The following SUSD1 variants were observed in gnomAD, a reference collection of about 807,000 sequenced individuals.
SUSD1 encodes sushi domain containing 1.
SUSD1 carries 65 observed loss-of-function variants against 86.9 expected under a neutral mutation model. The ratio of observed to expected loss-of-function variants is 0.75; its 90% CI spans 0.61 to 0.92. SUSD1 has a LOEUF of 0.92. Among genes scored for constraint, SUSD1 ranks in the 40% least tolerant of loss-of-function variants. SUSD1 has a pLI of 0.00. For synonymous variants in SUSD1, 346 were observed against 350.0 expected (o/e 0.99, Z 0.13); for missense variants, 850 against 929.7 (o/e 0.91, Z 1.11).
At chr9:112,173,931 C>T (rs1370038809) in intron 1 of SUSD1, 1 of 257,270 alleles carries the variant, frequency 3.9e-6, no homozygotes. Context: ...GTGCCATTTT[C>T]GGGACTGGTT....
In SUSD1 at chr9:112,041,912, A is replaced by T. The variant is rs956614940; in HGVS notation, c.2198T>A (p.Leu733Gln). The T allele has an allele frequency of 1.2e-6, 2 of 1,613,990 alleles. No homozygotes were observed. The highest frequency in any genetic ancestry group is 1.7e-6 in the Non-Finnish European group (2 of 1,179,970). The change falls in exon 16 of 17, where the codon CTG (leucine) becomes CAG (glutamine). Residue 733 changes from leucine to glutamine, a missense_variant. By Grantham distance (113) the Leu-to-Gln change is moderately radical. Transcript: ENST00000374270. ...LQMAGVGLGS[L>Q]AVVIILTFLS... ...GAATGTGAGAATGATCACAACAGCC[A>T]GGGAACCCAGTCCAACACCCGCCAT...
chr9:112,054,333 C>T (rs960302533), intron 14 of SUSD1, among the ~76,000 whole-genome samples: 1 of 152,088 alleles, frequency 6.6e-6, no homozygotes, highest in Non-Finnish European at 1.5e-5. Context: ...ACCTGTAATC[C>T]CAGTACTTTG....
chr9:112,146,031 TGGATGCA>T, intron 3 of SUSD1: 1 of 152,178 alleles, frequency 6.6e-6, no homozygotes, highest in Non-Finnish European at 1.5e-5. Context: ...AATAAACACC[TGGATGCA>T]GGATTCCTTG....
rs150828080 is a variant in SUSD1, at chr9:112,163,030, G to A, written c.104-5417C>T. Among the ~76,000 whole-genome samples, 595 of 152,208 alleles carry A rather than the reference G, an allele frequency of 3.9e-3. 5 individuals are homozygous for A. The highest frequency in any genetic ancestry group is 0.013 in the African/African-American group (553 of 41,524). ...GAATAAACTCTATATGTAATCATACGTTCTGAATCTCATTATTTAAGGTTG... is the reference window on the plus strand; with the variant it reads ...GAATAAACTCTATATGTAATCATACATTCTGAATCTCATTATTTAAGGTTG... On this transcript the variant is annotated intron_variant, in intron 1 of 16. Coordinates refer to ENST00000374270, the MANE Select transcript of SUSD1 (RefSeq NM_022486.5).
In SUSD1 at chr9:112,113,795, G is replaced by A. The variant is rs1344157069; in HGVS notation, c.887-927C>T. ...AAAAATACAAAACTTAGCGGTGCAC[G>A]GTGGCACATGCCTGTAATCTCAACT... On this transcript the variant is annotated intron_variant, in intron 6 of 16. Transcript: ENST00000374270. This position sits in a 1 kb window ranked among gnomAD's most constrained non-coding sequence, Gnocchi z 4.1. Among the ~76,000 whole-genome samples the A allele has an allele frequency of 6.6e-6, 1 of 152,064 alleles. No homozygotes were observed. The highest frequency in any genetic ancestry group is 2.4e-5 in the African/African-American group (1 of 41,402).
At chr9:112,044,923 T>A (rs1827890949) in intron 15 of SUSD1, among the ~76,000 whole-genome samples, 1 of 152,174 alleles carries the variant, frequency 6.6e-6, no homozygotes, top group South Asian at 2.1e-4. Context: ...ACAGAGAGTG[T>A]TACAGATTAA....
At chr9:112,043,743 G>C (rs1827840959) in intron 15 of SUSD1, among the ~76,000 whole-genome samples, 1 of 152,052 alleles carries the variant, frequency 6.6e-6, no homozygotes, top group Non-Finnish European at 1.5e-5. Flanking sequence ...GTCTATAGAA[G>C]AAAAATGGCC....
intron 15 of SUSD1, among the ~76,000 whole-genome samples, chr9:112,051,408 C>CTTTTTTTTTTTTTTTTTTT (rs746946192): frequency 1.6e-4 from 12 of 77,046 alleles, no homozygotes; most frequent in African/African-American, 2.4e-4. Context: ...TTTTTCTTTT[C>CTTTTTTTTTTTTTTTTTTT]TTTTTTTTTT....
Position 112,041,765 on chromosome 9 carries a change from C to T in SUSD1, c.2243+102G>A, listed in dbSNP as rs1228769990. On this transcript the variant is annotated intron_variant, in intron 16 of 16. Transcript: ENST00000374270. ...CTGCTGAGCCAAGGACAACCTCCAC[C>T]CACACTCCCTTTGACTCCCCTCATC... is the stretch of plus-strand genomic sequence containing the variant. The T allele has an allele frequency of 2.5e-5, 29 of 1,166,730 alleles. No homozygotes were observed. The Admixed American group carries it at 5.8e-4, about 23-fold the overall frequency. 72.3% of individuals were successfully genotyped at this position (1,166,730 alleles called of 1,614,324 possible). A position where few individuals can be genotyped will look rare whatever the true frequency, so the allele number is the denominator to read the frequency against.
Position 112,062,933 on chromosome 9 carries a change from T to A in SUSD1, c.1850+4A>T. ...GCAACCGTGGAGAAAGGACAGCTACTGACCTGATTGGTCCATTTTTCTCCT... is the reference window on the plus strand; with the variant it reads ...GCAACCGTGGAGAAAGGACAGCTACAGACCTGATTGGTCCATTTTTCTCCT... On this transcript the variant is annotated splice_donor_region_variant and intron_variant, in intron 13 of 16. Transcript: ENST00000374270. The A allele has an allele frequency of 6.3e-7, 1 of 1,594,894 alleles. No homozygotes were observed. Among genetic ancestry groups the A allele is most frequent in the Non-Finnish European group, 8.6e-7 (1 of 1,164,102 alleles).
At chr9:112,133,267 A>G (rs1303753086) in intron 5 of SUSD1, among the ~76,000 whole-genome samples, 1 of 152,196 alleles carries the variant, frequency 6.6e-6, no homozygotes, top group Non-Finnish European at 1.5e-5. Context: ...CTCATGTCTG[A>G]AAAAAAGAAA....
At chr9:112,081,929 A>C (rs1829783779) in intron 10 of SUSD1, among the ~76,000 whole-genome samples, 1 of 152,232 alleles carries the variant, frequency 6.6e-6, no homozygotes, top group African/African-American at 2.4e-5. Flanking sequence ...TTAACTTGAA[A>C]TCTTAGTGAG....
intron 1 of SUSD1, among the ~76,000 whole-genome samples, chr9:112,169,703 T>G (rs2131861785): frequency 6.6e-6 from 1 of 151,658 alleles, no homozygotes; most frequent in African/African-American, 2.4e-5. Flanking sequence ...AGATGGAGTT[T>G]CACTCTTGTT....
intron 13 of SUSD1, 49 bp from the exon 14 acceptor site, chr9:112,058,735 C>A (rs1262578354): frequency 6.4e-7 from 1 of 1,573,130 alleles, no homozygotes; most frequent in South Asian, 1.2e-5. Context: ...ATGGGGAGTT[C>A]ATTCATTCAT....
intron 5 of SUSD1, among the ~76,000 whole-genome samples, chr9:112,129,018 C>G (rs1831901717): frequency 6.6e-6 from 1 of 152,000 alleles, no homozygotes; most frequent in Non-Finnish European, 1.5e-5. Context: ...TTTTAAAAGA[C>G]CACTTTGGCT....
rs1330337341 is a variant in SUSD1 at position 112,078,809 on chromosome 9, CTCT to C, written c.1567-88_1567-86del. 2.0e-4 allele frequency: 167 copies of C among 830,034 alleles called. 2 individuals are homozygous for C. The African/African-American group carries it at 3.0e-3, about 15-fold the overall frequency. The allele number at this position is 830,034 out of a possible 1,614,324, so 51.4% of individuals were successfully genotyped here. A position where few individuals can be genotyped will look rare whatever the true frequency, so the allele number is the denominator to read the frequency against. ...AAACCTCCCCTTTTCCTTTTTCTTT[CTCT>C]TTTTTTTTTTTTTTTTTTGAGATGG... On this transcript the variant is annotated intron_variant, in intron 11 of 16. Coordinates refer to ENST00000374270, the MANE Select transcript of SUSD1 (RefSeq NM_022486.5).
chr9:112,085,848 A>G (rs1829952173), intron 10 of SUSD1, among the ~76,000 whole-genome samples: 1 of 152,192 alleles, frequency 6.6e-6, no homozygotes, highest in African/African-American at 2.4e-5. Context: ...CAGATCAGCA[A>G]GAAGATCAAA....
At chr9:112,104,698 T>G (rs960315216) in intron 8 of SUSD1, 1 of 152,170 alleles carries the variant, frequency 6.6e-6, no homozygotes, top group Non-Finnish European at 1.5e-5. Flanking sequence ...AGTAAATCCT[T>G]CATACTGAGA....
intron 1 of SUSD1, among the ~76,000 whole-genome samples, chr9:112,165,217 T>C (rs1301408620): frequency 6.6e-6 from 1 of 152,210 alleles, no homozygotes; most frequent in Non-Finnish European, 1.5e-5. Context: ...CCTGAGATGT[T>C]TTGATGTAGG....
Sources: gnomAD v4.1 joint callset for allele counts (sites outside exome capture counted in the v4.1 genomes callset) on GRCh38, gnomAD v4.1.1 for gene constraint, Gnocchi (gnomAD v3.1) non-coding constraint, MANE v1.5 for transcripts, NCBI Gene and HGNC (gene_info 2026-07-23, HGNC 2026-07-21) for gene names.